The following LRMDA variants were observed in gnomAD, a reference collection of about 807,000 sequenced individuals.
The protein encoded by LRMDA is leucine-rich melanocyte differentiation-associated protein.
In LRMDA, 18 loss-of-function variants were observed where a neutral mutation model predicts 29.8. That is an observed-to-expected ratio of 0.60 (90% confidence interval 0.42 to 0.90). The LOEUF (loss-of-function observed/expected upper bound fraction) is 0.90. Ranked by LOEUF, LRMDA falls within the 40% of genes least tolerant of loss-of-function variation. LRMDA has a pLI of 0.00. For missense variants in LRMDA, 273 were observed against 273.9 expected, an observed-to-expected ratio of 1.00 and a Z score of 0.02; for synonymous variants, 125 against 109.4, an observed-to-expected ratio of 1.14 and a Z score of -0.89.
chr10:76,391,295 C>T (rs1198349541), intron 6 of LRMDA, among the ~76,000 whole-genome samples: 2 of 152,140 alleles, frequency 1.3e-5, no homozygotes, highest in African/African-American at 4.8e-5. Flanking sequence ...GAGTGGGATT[C>T]GTGATGATCA....
intron 2 of LRMDA, among the ~76,000 whole-genome samples, chr10:75,894,977 A>G (rs760953419): frequency 6.6e-6 from 1 of 152,192 alleles, no homozygotes; most frequent in Non-Finnish European, 1.5e-5. Flanking sequence ...AATTACCCCA[A>G]ATCATGTGGT....
At chr10:76,432,603 T>G (rs116549660) in intron 6 of LRMDA, among the ~76,000 whole-genome samples, 3,047 of 152,246 alleles carry the variant, frequency 0.02, 94 homozygotes, top group African/African-American at 0.067. Flanking sequence ...TTCAATACAC[T>G]GGGGTCTAAA....
chr10:75,575,722 G>C (rs1205551894), intron 2 of LRMDA, among the ~76,000 whole-genome samples: 1 of 152,198 alleles, frequency 6.6e-6, no homozygotes, highest in Non-Finnish European at 1.5e-5. Flanking sequence ...CAAGGAGGGT[G>C]AGCCGAAGCA....
intron 6 of LRMDA, among the ~76,000 whole-genome samples, chr10:76,457,454 C>A (rs755560110): frequency 7.9e-5 from 12 of 152,132 alleles, no homozygotes; most frequent in Non-Finnish European, 1.3e-4. Flanking sequence ...AGCTCTCAGA[C>A]TGTATGCAAA....
chr10:75,462,336 A>G (rs550606528), intron 2 of LRMDA, among the ~76,000 whole-genome samples: 2 of 152,342 alleles, frequency 1.3e-5, no homozygotes, highest in South Asian at 4.1e-4. Flanking sequence ...AGTGTCACAA[A>G]TGTGAATTGG....
chr10:76,347,746 T>G (rs1841126699), intron 6 of LRMDA, among the ~76,000 whole-genome samples: 1 of 152,114 alleles, frequency 6.6e-6, no homozygotes, highest in Admixed American at 6.5e-5. Flanking sequence ...TGTTATATTA[T>G]CCACCAAGCA....
chr10:75,538,726 G>A (rs1027282167), intron 2 of LRMDA, among the ~76,000 whole-genome samples: 13 of 152,150 alleles, frequency 8.5e-5, no homozygotes, highest in South Asian at 2.1e-4. Flanking sequence ...ATTTCAACAA[G>A]CAAGTATTAG....
At chr10:76,359,721 C>G (rs1245686738) in intron 6 of LRMDA, among the ~76,000 whole-genome samples, 8 of 152,108 alleles carry the variant, frequency 5.3e-5, no homozygotes, top group African/African-American at 1.9e-4. Context: ...TTCTAATAGT[C>G]AAAGGACACA....
At chr10:76,037,977 T>C (rs1190509119) in intron 3 of LRMDA, among the ~76,000 whole-genome samples, 1 of 152,210 alleles carries the variant, frequency 6.6e-6, no homozygotes, top group Non-Finnish European at 1.5e-5. Context: ...CCTTCTTATG[T>C]CTGTTAGTCA....
intron 2 of LRMDA, among the ~76,000 whole-genome samples, chr10:75,455,953 T>G (rs2132034822): frequency 6.6e-6 from 1 of 152,238 alleles, no homozygotes; most frequent in African/African-American, 2.4e-5. Context: ...CAGGGGTGGG[T>G]TGGAATCCAC....
chr10:76,446,884 C>T (rs1445581395), intron 6 of LRMDA, among the ~76,000 whole-genome samples: 2 of 152,300 alleles, frequency 1.3e-5, no homozygotes, highest in South Asian at 2.1e-4. Flanking sequence ...TTATTATGCT[C>T]AGCTGAGTTG....
chr10:75,909,474 C>T (rs150182489), intron 2 of LRMDA, among the ~76,000 whole-genome samples: 34 of 152,128 alleles, frequency 2.2e-4, no homozygotes, highest in Middle Eastern at 3.4e-3. Flanking sequence ...CCCACAGAGA[C>T]AGATTCAAGC....
chr10:75,494,995 A>C (rs964195787), intron 2 of LRMDA, among the ~76,000 whole-genome samples: 25 of 152,182 alleles, frequency 1.6e-4, no homozygotes, highest in Non-Finnish European at 2.9e-4. Context: ...AAAGAAGGAC[A>C]TTTGCTCTTG....
At chr10:76,538,327 C>A (rs1320917601) in intron 6 of LRMDA, among the ~76,000 whole-genome samples, 2 of 151,718 alleles carry the variant, frequency 1.3e-5, no homozygotes, top group African/African-American at 4.8e-5. Flanking sequence ...TTTTGGAAAG[C>A]ATAGATGGAC....
chr10:75,718,344 C>G (rs775576437), intron 2 of LRMDA, among the ~76,000 whole-genome samples: 10 of 152,174 alleles, frequency 6.6e-5, no homozygotes, highest in Non-Finnish European at 7.3e-5. Flanking sequence ...GTTCTCAGTT[C>G]AGGTCAGAGA....
intron 6 of LRMDA, among the ~76,000 whole-genome samples, chr10:76,419,213 C>A (rs966031342): frequency 2.0e-5 from 3 of 152,018 alleles, no homozygotes; most frequent in Non-Finnish European, 4.4e-5. Context: ...TTTCACTGCC[C>A]TGAAAATCTT....
At chr10:76,528,430 C>A (rs917118098) in intron 6 of LRMDA, among the ~76,000 whole-genome samples, 1 of 151,940 alleles carries the variant, frequency 6.6e-6, no homozygotes, top group African/African-American at 2.4e-5. Context: ...AACATATGGA[C>A]AGAAAAAAGG....
chr10:76,254,006 G>A (rs1347580316), intron 5 of LRMDA, among the ~76,000 whole-genome samples: 1 of 151,918 alleles, frequency 6.6e-6, no homozygotes, highest in Non-Finnish European at 1.5e-5. Context: ...TCTGTCATTT[G>A]GGATTTCTTT....
At chr10:75,889,303 C>G (rs1202386985) in intron 2 of LRMDA, among the ~76,000 whole-genome samples, 1 of 152,132 alleles carries the variant, frequency 6.6e-6, no homozygotes, top group African/African-American at 2.4e-5. Flanking sequence ...TTAGAACCAC[C>G]TTTAGGAACA....
Sources: allele counts gnomAD v4.1 joint callset (sites outside exome capture counted in the v4.1 genomes callset), GRCh38; gene constraint gnomAD v4.1.1; transcripts MANE v1.5; gene names NCBI Gene and HGNC (gene_info 2026-07-23, HGNC 2026-07-21).